Variants in NBAS observed in about 807,000 individuals in gnomAD.
NBAS encodes NAG/BC035112 fusion.
Under a neutral mutation model 302.5 loss-of-function variants are expected in NBAS, and 219 were observed. That is an observed-to-expected ratio of 0.72 (90% CI 0.65 to 0.81). NBAS has a LOEUF of 0.81. Among genes scored for constraint, NBAS ranks in the 30% least tolerant of loss-of-function variants. The probability of loss-of-function intolerance (pLI) is 0.00; values close to 1 mark genes in which losing one functional copy is unlikely to be tolerated. For missense variants in NBAS, 2,932 were observed against 2,841.6 expected (o/e 1.03, Z -0.72); for synonymous variants, 1,118 against 1,021.6 (o/e 1.09, Z -1.80).
the NBAS span, among the ~76,000 whole-genome samples, chr2:14,949,600 T>C: frequency 6.6e-6 from 1 of 152,166 alleles, no homozygotes; most frequent in Non-Finnish European, 1.5e-5. Flanking sequence ...AAATATGGAA[T>C]CAACCTAAGT....
chr2:15,321,341 A>T (rs1485723955), intron 38 of NBAS, among the ~76,000 whole-genome samples: 1 of 152,234 alleles, frequency 6.6e-6, no homozygotes, highest in African/African-American at 2.4e-5. Flanking sequence ...CTGGGCAAGG[A>T]CTTCATGACT....
the NBAS span, among the ~76,000 whole-genome samples, chr2:15,100,010 T>C: frequency 2.0e-5 from 3 of 152,214 alleles, no homozygotes; most frequent in African/African-American, 7.2e-5. Flanking sequence ...AAAGTGCAGA[T>C]GTTTCCAGCA....
chr2:15,253,537 C>A (rs148108989), intron 44 of NBAS, among the ~76,000 whole-genome samples: 2 of 152,242 alleles, frequency 1.3e-5, no homozygotes, highest in Admixed American at 1.3e-4. Flanking sequence ...GCACACAAAG[C>A]CTTCCAACAG....
the NBAS span, among the ~76,000 whole-genome samples, chr2:15,152,079 A>T: frequency 6.6e-6 from 1 of 152,206 alleles, no homozygotes; most frequent in Non-Finnish European, 1.5e-5. Context: ...TGAACTCCTG[A>T]CCTCAAGTGA....
intron 21 of NBAS, among the ~76,000 whole-genome samples, chr2:15,445,231 A>C (rs1195027368): frequency 6.7e-6 from 1 of 149,220 alleles, no homozygotes; most frequent in African/African-American, 2.5e-5. Flanking sequence ...CACTATTCAC[A>C]ATAGCAAAGA....
chr2:14,918,502 G>T, the NBAS span, among the ~76,000 whole-genome samples: 4 of 152,176 alleles, frequency 2.6e-5, no homozygotes, highest in Admixed American at 2.0e-4. Context: ...AGTACTGCAG[G>T]CAGAGAAGGG....
chr2:15,286,562 C>T (rs552094994), intron 42 of NBAS, among the ~76,000 whole-genome samples: 7 of 152,306 alleles, frequency 4.6e-5, no homozygotes, highest in Admixed American at 3.9e-4. Flanking sequence ...AATCAAAGGG[C>T]CTTTGAACTT....
chr2:15,346,535 T>C (rs888108404), intron 35 of NBAS, among the ~76,000 whole-genome samples: 1 of 152,170 alleles, frequency 6.6e-6, no homozygotes, highest in Non-Finnish European at 1.5e-5. Flanking sequence ...GAAATAGGAA[T>C]GCTTTTACAC....
chr2:15,365,651 A>G (rs1186453125), intron 32 of NBAS, among the ~76,000 whole-genome samples: 2 of 152,200 alleles, frequency 1.3e-5, no homozygotes, highest in Non-Finnish European at 2.9e-5. Context: ...GTCCAAATAT[A>G]AAGATGCTGA....
the NBAS span, among the ~76,000 whole-genome samples, chr2:14,818,719 T>C: frequency 3.3e-5 from 5 of 152,152 alleles, no homozygotes; most frequent in Non-Finnish European, 7.4e-5. Context: ...GCTAAACCTC[T>C]ACAAAGCAGC....
intron 12 of NBAS, among the ~76,000 whole-genome samples, 197 bp downstream of exon 12, chr2:15,488,697 C>A (rs1219512215): frequency 1.3e-5 from 2 of 152,068 alleles, no homozygotes; most frequent in East Asian, 3.9e-4. Flanking sequence ...TACCACACTA[C>A]AATTCAAAAT....
At position 15,419,408 on chromosome 2, in the gene NBAS, T is replaced by A. The variant is rs184554570; in HGVS notation, c.2578-1696A>T. Reference sequence around the variant, plus strand: ...TAAAAATTGTGTGTGTGTATGAGTGTGTGTGTGTGTGTCTGTGTTAGAGGC... The same window carrying A: ...TAAAAATTGTGTGTGTGTATGAGTGAGTGTGTGTGTGTCTGTGTTAGAGGC... On this transcript the variant is annotated intron_variant, in intron 23 of 51. Transcript: ENST00000281513. Among the ~76,000 whole-genome samples, 722 of 152,096 alleles carry A rather than the reference T, an allele frequency of 4.7e-3. 10 individuals carry two copies. The highest frequency in any genetic ancestry group is 0.016 in the African/African-American group (652 of 41,466).
the NBAS span, among the ~76,000 whole-genome samples, chr2:14,805,187 G>A: frequency 2.0e-5 from 3 of 152,180 alleles, no homozygotes; most frequent in African/African-American, 7.2e-5. Context: ...TGCATCCCAG[G>A]ATGTCGTATA....
At chr2:15,273,247 G>A (rs1351471556) in intron 44 of NBAS, among the ~76,000 whole-genome samples, 2 of 152,308 alleles carry the variant, frequency 1.3e-5, no homozygotes, top group East Asian at 3.9e-4. Flanking sequence ...GATCTGAGCT[G>A]GTTCCTTGGA....
At chr2:15,295,003 C>G (rs1670481860) in intron 40 of NBAS, among the ~76,000 whole-genome samples, 1 of 152,164 alleles carries the variant, frequency 6.6e-6, no homozygotes, top group Admixed American at 6.5e-5. Flanking sequence ...TTGTTTCTAT[C>G]CCCTACTCAT....
the NBAS span, among the ~76,000 whole-genome samples, chr2:14,857,235 A>G: frequency 0.21 from 32,262 of 152,082 alleles, 5,531 homozygotes; most frequent in African/African-American, 0.47. Context: ...TACTGTTAAA[A>G]TGTCCATACT....
At chr2:15,217,686 G>A (rs1044990961) in intron 48 of NBAS, among the ~76,000 whole-genome samples, 1 of 152,190 alleles carries the variant, frequency 6.6e-6, no homozygotes, top group Admixed American at 6.5e-5. Context: ...ATGGCCTCAG[G>A]TGCATCAATT....
chr2:15,424,958 A>G (rs1440138503), intron 22 of NBAS, among the ~76,000 whole-genome samples: 9 of 152,162 alleles, frequency 5.9e-5, no homozygotes, highest in Non-Finnish European at 1.0e-4. Flanking sequence ...TGTTGATAAT[A>G]TACCTCTACT....
chr2:15,255,994 C>T (rs1668573674), intron 44 of NBAS, among the ~76,000 whole-genome samples: 1 of 152,072 alleles, frequency 6.6e-6, no homozygotes, highest in Non-Finnish European at 1.5e-5. Flanking sequence ...TAATATGATG[C>T]CTCCAGATTT....
Sources: gnomAD v4.1 joint callset for allele counts (sites outside exome capture counted in the v4.1 genomes callset) on GRCh38, gnomAD v4.1.1 for gene constraint, MANE v1.5 for transcripts, NCBI Gene and HGNC (gene_info 2026-07-23, HGNC 2026-07-21) for gene names.